The following SFXN5 variants were observed in gnomAD, a reference collection of about 807,000 sequenced individuals.
SFXN5 encodes sideroflexin 5.
A neutral mutation model predicts 50.2 loss-of-function variants in SFXN5; 43 were observed. The ratio of observed to expected loss-of-function variants is 0.86; its 90% CI spans 0.67 to 1.11. The LOEUF (loss-of-function observed/expected upper bound fraction) is 1.11. SFXN5 is among the 50% of genes least tolerant of loss of function. The pLI is 0.00. For missense variants in SFXN5, 463 were observed against 454.1 expected (o/e 1.02, Z -0.18); for synonymous variants, 203 against 185.8 (o/e 1.09, Z -0.75).
intron 13 of SFXN5, among the ~76,000 whole-genome samples, chr2:72,958,420 T>C (rs1234026272): frequency 6.6e-6 from 1 of 152,118 alleles, no homozygotes; most frequent in Non-Finnish European, 1.5e-5. Flanking sequence ...GGCCACCATT[T>C]CCCCAGCAAA....
Position 72,971,503 on chromosome 2 carries a change from C to A in SFXN5, c.741+67G>T, listed in dbSNP as rs539905389. ...TGGATAGAAGCCTGTGGAAGACACA[C>A]GCTAAAGGAAAACCACTCCCCTCCC... On this transcript the variant is annotated intron_variant, in intron 11 of 13. Coordinates refer to ENST00000272433, the MANE Select transcript of SFXN5 (RefSeq NM_144579.3). 5 of 1,149,494 alleles carry A rather than the reference C, an allele frequency of 4.3e-6. No homozygotes were observed. The Admixed American group carries it at 7.5e-5, about 17-fold the overall frequency. The allele number at this position is 1,149,494 out of a possible 1,614,324, so 71.2% of individuals were successfully genotyped here.
chr2:73,033,683 G>C (rs940017695), intron 3 of SFXN5, among the ~76,000 whole-genome samples: 1 of 152,234 alleles, frequency 6.6e-6, no homozygotes, highest in Non-Finnish European at 1.5e-5. Context: ...AAATAGGGGA[G>C]AGCAGTAGGA....
At position 72,944,933 on chromosome 2, in the gene SFXN5, T is replaced by C. The variant is rs1031196716; in HGVS notation, c.*89A>G. On this transcript the variant is annotated 3_prime_UTR_variant, in exon 14 of 14. Transcript: ENST00000272433. ...CCCAGGACTGCTGGGGTTGGCGTGC[T>C]GCTCCCTGCAGGTGCAGCCGTGAGT... 1 of 1,267,942 alleles carries C rather than the reference T, an allele frequency of 7.9e-7. No individual in the cohort carries two copies. Among genetic ancestry groups the C allele is most frequent in the Non-Finnish European group, 1.1e-6 (1 of 892,296 alleles). The allele number at this position is 1,267,942 out of a possible 1,614,324, so 78.5% of individuals were successfully genotyped here.
intron 9 of SFXN5, chr2:72,997,210 G>A (rs1673355431): frequency 6.6e-6 from 1 of 152,168 alleles, no homozygotes; most frequent in Admixed American, 6.5e-5. Flanking sequence ...GAGATGACTT[G>A]GTCTATGTGG....
Position 72,961,808 on chromosome 2 carries a change from G to A in SFXN5, c.828-560C>T, listed in dbSNP as rs1673779720. Among the ~76,000 whole-genome samples, 1 of 152,174 alleles carries A rather than the reference G, an allele frequency of 6.6e-6. No homozygotes were observed. Among genetic ancestry groups the A allele is most frequent in the Admixed American group, 6.5e-5 (1 of 15,282 alleles). ...GGCCACCTTGTCAATTTCAACCCAA[G>A]GGCAACAGAGGGTGCAATGACTCGT... is the stretch of plus-strand genomic sequence containing the variant. On this transcript the variant is annotated intron_variant, in intron 12 of 13. Transcript: ENST00000272433. This position sits in a 1 kb window ranked among gnomAD's most constrained non-coding sequence, Gnocchi z 4.4.
Position 72,988,315 on chromosome 2 carries a change from T to C in SFXN5, c.568A>G (p.Lys190Glu). The change falls in exon 10 of 14, where the codon AAG (lysine) becomes GAG (glutamate). Residue 190 changes from lysine to glutamate, a missense_variant. Lys to Glu is a moderately conservative substitution (Grantham distance 56). Coordinates refer to ENST00000272433, the MANE Select transcript of SFXN5 (RefSeq NM_144579.3). ...AGAAGGCGGGTGGCTGGGGTGAACTTGTTGGCTTTCTGAACCAGGACATTA... is the reference window on the plus strand; with the variant it reads ...AGAAGGCGGGTGGCTGGGGTGAACTCGTTGGCTTTCTGAACCAGGACATTA... Reference protein sequence around the residue: ...GLNVLVQKANKFTPATRLLIQ... With the variant: ...GLNVLVQKANEFTPATRLLIQ... 6.2e-7 allele frequency: 1 copy of C among 1,613,902 alleles called. No individual in the cohort carries two copies. The highest frequency in any genetic ancestry group is 8.5e-7 in the Non-Finnish European group (1 of 1,179,838).
rs185030213 is a variant in SFXN5, at chr2:72,964,174, C to T, written c.828-2926G>A. On this transcript the variant is annotated intron_variant, in intron 12 of 13. Coordinates refer to ENST00000272433, the MANE Select transcript of SFXN5 (RefSeq NM_144579.3). ...GGCCGCCACACCACAGCTTGTCCCCCTCATTGCTGTGCATTCCTTCAGCAC... is the reference window on the plus strand; with the variant it reads ...GGCCGCCACACCACAGCTTGTCCCCTTCATTGCTGTGCATTCCTTCAGCAC... Among the ~76,000 whole-genome samples, 429 of 152,360 alleles carry T rather than the reference C, an allele frequency of 2.8e-3. 2 individuals are homozygous for T. Among genetic ancestry groups the T allele is most frequent in the Admixed American group, 7.2e-3 (110 of 15,310 alleles).
chr2:73,006,576 C>T (rs1674697525), intron 6 of SFXN5, among the ~76,000 whole-genome samples: 1 of 150,050 alleles, frequency 6.7e-6, no homozygotes, highest in African/African-American at 2.5e-5. Flanking sequence ...GAGCCGAGAT[C>T]ACACCACTGC....
intron 2 of SFXN5, among the ~76,000 whole-genome samples, chr2:73,055,002 G>A (rs1473908086): frequency 6.6e-6 from 1 of 152,210 alleles, no homozygotes; most frequent in Non-Finnish European, 1.5e-5. Context: ...ACCTGTCAGG[G>A]TAATTCCCAC....
At chr2:72,980,815 C>G (rs1351999563) in intron 10 of SFXN5, among the ~76,000 whole-genome samples, 1 of 152,166 alleles carries the variant, frequency 6.6e-6, no homozygotes, top group Admixed American at 6.5e-5. Context: ...CCTCTGTTCC[C>G]CAGCAGGCCA....
intron 1 of SFXN5, among the ~76,000 whole-genome samples, chr2:73,069,810 G>A (rs1683444135): frequency 6.6e-6 from 1 of 150,538 alleles, no homozygotes; most frequent in Middle Eastern, 3.2e-3. Context: ...CAGACACCAG[G>A]ACAAAAAGAA....
chr2:72,998,580 C>T, intron 9 of SFXN5: 1 of 231,222 alleles, frequency 4.3e-6, no homozygotes, highest in South Asian at 8.7e-5. Flanking sequence ...ATGGGCAGGC[C>T]TTGCAGAGTC....
At chr2:73,022,611 C>T (rs199830965) in intron 4 of SFXN5, 35 bp from the exon 5 acceptor site, 45 of 103,548 alleles carry the variant, frequency 4.3e-4, no homozygotes, top group South Asian at 3.3e-3. Flanking sequence ...GGGGTGGGGA[C>T]GGGGGTGTAG....
chr2:73,070,631 C>G (rs1022439348), intron 1 of SFXN5: 1 of 152,004 alleles, frequency 6.6e-6, no homozygotes, highest in Non-Finnish European at 1.5e-5. Context: ...GCGGGAGCGG[C>G]CCCTCCCCGG....
chr2:73,071,290 G>T (rs930481057), intron 1 of SFXN5: 3 of 382,484 alleles, frequency 7.8e-6, no homozygotes, highest in Non-Finnish European at 1.4e-5. Context: ...GCCGCTCGAA[G>T]CCGGGCGCTC....
intron 10 of SFXN5, among the ~76,000 whole-genome samples, chr2:72,972,198 G>C (rs1278359999): frequency 6.6e-6 from 1 of 152,222 alleles, no homozygotes; most frequent in Admixed American, 6.5e-5. Flanking sequence ...CAGAGAGGCA[G>C]AAACCTCAGT....
At chr2:73,009,494 C>T (rs1675212277) in intron 6 of SFXN5, among the ~76,000 whole-genome samples, 1 of 152,218 alleles carries the variant, frequency 6.6e-6, no homozygotes, top group Non-Finnish European at 1.5e-5. Flanking sequence ...CTGTTCTGAA[C>T]CTCAGGATAC....
intron 10 of SFXN5, among the ~76,000 whole-genome samples, 195 bp from the exon 11 acceptor site, chr2:72,971,880 T>C (rs1670045147): frequency 6.6e-6 from 1 of 152,168 alleles, no homozygotes; most frequent in Non-Finnish European, 1.5e-5. Context: ...CTTGGGAACC[T>C]GGTAAGTGAA....
intron 2 of SFXN5, among the ~76,000 whole-genome samples, chr2:73,055,301 G>A (rs1681940708): frequency 4.6e-5 from 7 of 152,252 alleles, no homozygotes. Context: ...ATAAGGGTCT[G>A]GAGACAAGGG....
Sources: gnomAD v4.1 joint callset for allele counts (sites outside exome capture counted in the v4.1 genomes callset) on GRCh38, gnomAD v4.1.1 for gene constraint, Gnocchi (gnomAD v3.1) non-coding constraint, MANE v1.5 for transcripts, NCBI Gene and HGNC (gene_info 2026-07-23, HGNC 2026-07-21) for gene names.